PRAMEF12: variants seen among roughly 807,000 people sequenced by gnomAD.
PRAMEF12 encodes the protein PRAME family member 12.
In PRAMEF12, 24 loss-of-function variants were observed where a neutral mutation model predicts 24.6. The observed-to-expected ratio is 0.98, with a 90% CI of 0.71 to 1.37. The LOEUF is 1.37. Among genes scored for constraint, PRAMEF12 ranks in the 40% most tolerant of loss-of-function variants. PRAMEF12 has a pLI of 0.00. For missense variants in PRAMEF12, 646 were observed against 580.3 expected, an observed-to-expected ratio of 1.11 and a Z score of -1.16; for synonymous variants, 286 against 242.6, an observed-to-expected ratio of 1.18 and a Z score of -1.66.
At position 12,775,329 on chromosome 1, in the gene PRAMEF12, T is replaced by C. The variant is rs139398064; in HGVS notation, c.287+175T>C. The stretch of plus-strand genomic sequence containing the variant: ...TCCTCTGGGAAAGGACTGCTCACCA[T>C]GCAGGGTCCACTGAAGGATCAGGAA... On this transcript the variant is annotated intron_variant, in intron 1 of 2. Transcript: ENST00000357726. Among the ~76,000 whole-genome samples, 1,196 of 151,474 alleles carry C rather than the reference T, an allele frequency of 7.9e-3. 31 individuals carry two copies. Among genetic ancestry groups the C allele is most frequent in the African/African-American group, 0.027 (1,118 of 41,496 alleles).
rs1459710342 is a variant in PRAMEF12 at position 12,777,771 on chromosome 1, C to G, written c.*172C>G. On this transcript the variant is annotated 3_prime_UTR_variant, in exon 3 of 3. Transcript: ENST00000357726. The stretch of plus-strand genomic sequence containing the variant: ...TTGGAGTCAATAGGAGCTTTAGAGA[C>G]CTGTGTCCCAGAGAATCAGAAATGG... 1.4e-6 allele frequency: 1 copy of G among 700,810 alleles called. No homozygotes were observed. Among genetic ancestry groups the G allele is most frequent in the Non-Finnish European group, 2.4e-6 (1 of 421,262 alleles). 43.4% of individuals were successfully genotyped at this position (700,810 alleles called of 1,614,324 possible).
intron 2 of PRAMEF12, 139 bp downstream of exon 2, chr1:12,776,257 C>A (rs1484555803): frequency 1.1e-6 from 1 of 899,702 alleles, no homozygotes; most frequent in Non-Finnish European, 1.7e-6. Context: ...CATGCATTGT[C>A]CTGTTGGCAG....
chr1:12,775,070 C>T lies in PRAMEF12; in HGVS notation c.203C>T (p.Ser68Phe), dbSNP rs765581572. 12 of 1,614,174 alleles carry T rather than the reference C, an allele frequency of 7.4e-6. No homozygotes were observed. The South Asian group carries it at 1.2e-4, about 16-fold the overall frequency. ...CCCTTCACCTGCCTTCCTCTAGGGTCCCTGATGAAGTCATGTAATCTAGAG... is the reference window on the plus strand; with the variant it reads ...CCCTTCACCTGCCTTCCTCTAGGGTTCCTGATGAAGTCATGTAATCTAGAG... ...AWPFTCLPLGSLMKSCNLEIF... is the reference protein window; with the variant it reads ...AWPFTCLPLGFLMKSCNLEIF... The change falls in exon 1 of 3, where the codon TCC (serine) becomes TTC (phenylalanine). Residue 68 changes from serine (S) to phenylalanine (F), a missense_variant. By Grantham distance (155) the Ser-to-Phe change is radical. Transcript: ENST00000357726.
intron 1 of PRAMEF12, 76 bp from the exon 2 acceptor site, chr1:12,775,467 G>A: frequency 7.4e-7 from 1 of 1,344,834 alleles, no homozygotes; most frequent in Non-Finnish European, 1.0e-6. Context: ...AGGGAGGAGA[G>A]TCGCTGATGT....
Position 12,775,714 on chromosome 1 carries a change from C to T in PRAMEF12, c.459C>T (p.Phe153=), listed in dbSNP as rs1377251983. ...QPLMVILDLC[F]KNGTLDECLT... The stretch of plus-strand genomic sequence containing the variant: ...TGATGGTGATCCTAGACCTTTGCTT[C>T]AAGAATGGGACGCTGGATGAATGCC... The change falls in exon 2 of 3, where the codon TTC becomes TTT. Residue 153 remains phenylalanine, a synonymous_variant. Coordinates refer to ENST00000357726, the MANE Select transcript of PRAMEF12 (RefSeq NM_001080830.5). The T allele has an allele frequency of 6.2e-7, 1 of 1,613,798 alleles. No individual in the cohort carries two copies.
At position 12,777,587 on chromosome 1, in the gene PRAMEF12, T is replaced by C. The variant is rs781344162; in HGVS notation, c.1440T>C (p.Gly480=). ...SHCLLNACCQ[G]GFI is the part of the protein sequence containing the mutation. ...GTCTGTTGAATGCCTGCTGTCAGGG[T>C]GGATTTATTTAAAGCTTTCTTCTGG... Residue 480 remains glycine (G), a synonymous_variant, in exon 3 of 3, where the codon GGT becomes GGC. Transcript: ENST00000357726. 82 of 1,614,018 alleles carry C rather than the reference T, an allele frequency of 5.1e-5. No individual in the cohort carries two copies. The Middle Eastern group carries it at 6.6e-4, about 13-fold the overall frequency.
At position 12,776,875 on chromosome 1, in the gene PRAMEF12, CAG is replaced by C. The variant is rs1429344142; in HGVS notation, c.864-133_864-132del. 3.1e-5 allele frequency: 28 copies of C among 917,332 alleles called. No individual in the cohort carries two copies. In the South Asian group the frequency reaches 3.9e-4, roughly 13 times the overall value. 56.8% of individuals were successfully genotyped at this position (917,332 alleles called of 1,614,324 possible). The stretch of plus-strand genomic sequence containing the variant: ...CTCGATTGGGTCTGCCCTGAATGAG[CAG>C]AGTCTCCATTCCCACACCCCAGGTG... On this transcript the variant is annotated intron_variant, in intron 2 of 2. Coordinates refer to ENST00000357726, the MANE Select transcript of PRAMEF12 (RefSeq NM_001080830.5).
At chr1:12,775,227 G>T in intron 1 of PRAMEF12, 73 bp downstream of exon 1, 3 of 1,503,462 alleles carry the variant, frequency 2.0e-6, no homozygotes, top group Non-Finnish European at 2.7e-6. Flanking sequence ...CAGAAGGAGT[G>T]GGAGGCCCAA....
Position 12,774,845 on chromosome 1 carries a change from T to G in PRAMEF12, c.-23T>G. 1.3e-6 allele frequency: 2 copies of G among 1,560,202 alleles called. No individual in the cohort carries two copies. The highest frequency in any genetic ancestry group is 1.7e-6 in the Non-Finnish European group (2 of 1,155,628). On this transcript the variant is annotated 5_prime_UTR_variant, in exon 1 of 3. Coordinates refer to ENST00000357726, the MANE Select transcript of PRAMEF12 (RefSeq NM_001080830.5). Reference sequence around the variant, plus strand: ...GATGTGATTTGCCGTAAGAATGATGTTTTTTTCTCTAGATTCATCAGGATG... The same window carrying G: ...GATGTGATTTGCCGTAAGAATGATGGTTTTTTCTCTAGATTCATCAGGATG...
In PRAMEF12 at chr1:12,775,034, T is replaced by G; in HGVS notation, c.167T>G (p.Val56Gly). The G allele has an allele frequency of 6.2e-7, 1 of 1,614,134 alleles. No individual in the cohort carries two copies. The highest frequency in any genetic ancestry group is 1.7e-5 in the Admixed American group (1 of 60,030). Residue 56 changes from valine (V) to glycine (G), a missense_variant, in exon 1 of 3, where the codon GTG becomes GGG. Transcript: ENST00000357726. ...RRCCETLTTM[V>G]QAWPFTCLPL... ...TGCTGCGAGACCCTGACAACTATGG[T>G]GCAGGCCTGGCCCTTCACCTGCCTT...
At chr1:12,776,917 A>G (rs1235966255) in intron 2 of PRAMEF12, 94 bp from the exon 3 acceptor site, 39 of 1,307,788 alleles carry the variant, frequency 3.0e-5, no homozygotes, top group Non-Finnish European at 3.9e-5. Context: ...TTATCCTCAG[A>G]TAAGCAGAAC....
Position 12,775,067 on chromosome 1 carries a change from G to A in PRAMEF12, c.200G>A (p.Gly67Glu), listed in dbSNP as rs1048331355. 22 of 1,614,020 alleles carry A rather than the reference G, an allele frequency of 1.4e-5. No individual in the cohort carries two copies. Among genetic ancestry groups the A allele is most frequent in the African/African-American group, 2.7e-5 (2 of 74,916 alleles). The part of the protein sequence containing the change: ...QAWPFTCLPL[G>E]SLMKSCNLEI... ...TGGCCCTTCACCTGCCTTCCTCTAGGGTCCCTGATGAAGTCATGTAATCTA... is the reference window on the plus strand; with the variant it reads ...TGGCCCTTCACCTGCCTTCCTCTAGAGTCCCTGATGAAGTCATGTAATCTA... Residue 67 changes from glycine (G) to glutamate (E), a missense_variant, in exon 1 of 3, where the codon GGG (glycine) becomes GAG (glutamate). Gly to Glu is a moderately conservative substitution (Grantham distance 98). Transcript: ENST00000357726.
rs1639016170 is a variant in PRAMEF12, at chr1:12,774,266, A to T, written c.-602A>T. On this transcript the variant is annotated 5_prime_UTR_variant, in exon 1 of 3. Coordinates refer to ENST00000357726, the MANE Select transcript of PRAMEF12 (RefSeq NM_001080830.5). ...CATGGGACCCATTTTTTTCCCCTAG[A>T]TTCCATCCCAAAGTGGGTCATTGTG... 6.6e-6 allele frequency among the ~76,000 whole-genome samples: 1 copy of T among 152,050 alleles called. No individual in the cohort carries two copies. Among genetic ancestry groups the T allele is most frequent in the South Asian group, 2.1e-4 (1 of 4,828 alleles).
In PRAMEF12 at chr1:12,777,584, G is replaced by A. The variant is rs376965379; in HGVS notation, c.1437G>A (p.Gln479=). The A allele has an allele frequency of 6.2e-7, 1 of 1,614,040 alleles. No individual in the cohort carries two copies. The highest frequency in any genetic ancestry group is 8.5e-7 in the Non-Finnish European group (1 of 1,180,030). ...PSHCLLNACC[Q]GGFI is the part of the protein sequence containing the mutation. ...ACTGTCTGTTGAATGCCTGCTGTCA[G>A]GGTGGATTTATTTAAAGCTTTCTTC... Residue 479 remains glutamine, a synonymous_variant, in exon 3 of 3, where the codon CAG becomes CAA. Transcript: ENST00000357726.
Position 12,777,620 on chromosome 1 carries a change from G to C in PRAMEF12, c.*21G>C. ...TTTAAAGCTTTCTTCTGGTCATTTG[G>C]CAACTGAATCCTAGGCCATGAGTGT... is the stretch of plus-strand genomic sequence containing the variant. On this transcript the variant is annotated 3_prime_UTR_variant, in exon 3 of 3. Transcript: ENST00000357726. 1.2e-6 allele frequency: 2 copies of C among 1,613,102 alleles called. No individual in the cohort carries two copies. Among genetic ancestry groups the C allele is most frequent in the South Asian group, 1.1e-5 (1 of 90,992 alleles).
At position 12,774,810 on chromosome 1, in the gene PRAMEF12, A is replaced by G. The variant is rs1326583867; in HGVS notation, c.-58A>G. Reference sequence around the variant, plus strand: ...AGAGCAATGACATTGGCACTAGGAGATGATGAAGTGATGTGATTTGCCGTA... The same window carrying G: ...AGAGCAATGACATTGGCACTAGGAGGTGATGAAGTGATGTGATTTGCCGTA... On this transcript the variant is annotated 5_prime_UTR_variant, in exon 1 of 3. It removes an upstream start codon present in the reference 5' UTR. Transcript: ENST00000357726. 4 of 1,493,370 alleles carry G rather than the reference A, an allele frequency of 2.7e-6. No homozygotes were observed. Among genetic ancestry groups the G allele is most frequent in the East Asian group, 2.3e-5 (1 of 44,058 alleles). The allele number at this position is 1,493,370 out of a possible 1,614,324, so 92.5% of individuals were successfully genotyped here. A position where few individuals can be genotyped will look rare whatever the true frequency, so the allele number is the denominator to read the frequency against.
chr1:12,777,605 T>C lies in PRAMEF12; in HGVS notation c.*6T>C. 1 of 1,614,028 alleles carries C rather than the reference T, an allele frequency of 6.2e-7. No homozygotes were observed. Among genetic ancestry groups the C allele is most frequent in the South Asian group, 1.1e-5 (1 of 91,078 alleles). On this transcript the variant is annotated 3_prime_UTR_variant, in exon 3 of 3. Transcript: ENST00000357726. ...GTCAGGGTGGATTTATTTAAAGCTT[T>C]CTTCTGGTCATTTGGCAACTGAATC...
At position 12,777,700 on chromosome 1, in the gene PRAMEF12, A is replaced by G; in HGVS notation, c.*101A>G. ...CATATGCCTGCTCAATGTGAACCGG[A>G]AAGGAAAGGGGATGCAGGAAGGGAG... On this transcript the variant is annotated 3_prime_UTR_variant, in exon 3 of 3. Coordinates refer to ENST00000357726, the MANE Select transcript of PRAMEF12 (RefSeq NM_001080830.5). 1 of 1,367,582 alleles carries G rather than the reference A, an allele frequency of 7.3e-7. No homozygotes were observed. The highest frequency in any genetic ancestry group is 1.0e-6 in the Non-Finnish European group (1 of 995,366). The allele number at this position is 1,367,582 out of a possible 1,614,324, so 84.7% of individuals were successfully genotyped here.
In PRAMEF12 at chr1:12,777,286, C is replaced by T; in HGVS notation, c.1139C>T (p.Thr380Ile). 8 of 1,612,562 alleles carry T rather than the reference C, an allele frequency of 5.0e-6. No homozygotes were observed. Among genetic ancestry groups the T allele is most frequent in the Non-Finnish European group, 6.8e-6 (8 of 1,179,876 alleles). The change falls in exon 3 of 3, where the codon ACC becomes ATC. Residue 380 changes from threonine (T) to isoleucine (I), a missense_variant. Physicochemically the swap from Thr to Ile is moderately conservative, Grantham distance 89. Coordinates refer to ENST00000357726, the MANE Select transcript of PRAMEF12 (RefSeq NM_001080830.5). Reference protein sequence around the residue: ...PALSRCSQLSTFSFCGNLISM... With the variant: ...PALSRCSQLSIFSFCGNLISM... Reference sequence around the variant, plus strand: ...CTGAGCCGCTGCTCCCAGCTCAGCACCTTCAGCTTCTGTGGGAACCTCATC... The same window carrying T: ...CTGAGCCGCTGCTCCCAGCTCAGCATCTTCAGCTTCTGTGGGAACCTCATC...
Sources: allele counts gnomAD v4.1 joint callset (sites outside exome capture counted in the v4.1 genomes callset), GRCh38; gene constraint gnomAD v4.1.1; transcripts MANE v1.5; gene names NCBI Gene and HGNC (gene_info 2026-07-23, HGNC 2026-07-21).